TTC6: variants seen among roughly 807,000 people sequenced by gnomAD.
The protein encoded by TTC6 is tetratricopeptide repeat protein 6.
In TTC6, 172 loss-of-function variants were observed where a neutral mutation model predicts 210.4. The ratio of observed to expected loss-of-function variants is 0.82; its 90% CI spans 0.72 to 0.93. The LOEUF is 0.93. Among genes scored for constraint, TTC6 ranks in the 40% least tolerant of loss-of-function variants. The probability of loss-of-function intolerance (pLI) is 0.00; values close to 1 mark genes in which losing one functional copy is unlikely to be tolerated. For synonymous variants in TTC6, 804 were observed against 819.6 expected, an observed-to-expected ratio of 0.98 and a Z score of 0.32; for missense variants, 2,414 against 2,318.1, an observed-to-expected ratio of 1.04 and a Z score of -0.85.
intron 14 of TTC6, among the ~76,000 whole-genome samples, chr14:37,779,292 G>T (rs1443449724): frequency 6.6e-6 from 1 of 152,192 alleles, no homozygotes; most frequent in Non-Finnish European, 1.5e-5. Flanking sequence ...TCTGCTGCGA[G>T]TGCCAGTCTT....
chr14:37,819,033 C>A (rs1566972809), intron 26 of TTC6, among the ~76,000 whole-genome samples: 1 of 152,132 alleles, frequency 6.6e-6, no homozygotes, highest in Non-Finnish European at 1.5e-5. Flanking sequence ...AATGTAATCA[C>A]TGGGTATATA....
At chr14:37,682,770 G>A (rs2095786698) in exon 3 of TTC6, 1 of 1,535,372 alleles carries the variant, frequency 6.5e-7, no homozygotes, top group Non-Finnish European at 8.7e-7. Context: ...CGTGCATAAG[G>A]AACTTTCTGA....
chr14:37,615,101 C>A (rs951171513), intron 2 of TTC6, among the ~76,000 whole-genome samples: 1 of 152,170 alleles, frequency 6.6e-6, no homozygotes. Context: ...GTTTCCCTGT[C>A]TTCTGTTCTT....
chr14:37,626,317 G>A (rs1381559151), intron 1 of TTC6, among the ~76,000 whole-genome samples: 2 of 152,166 alleles, frequency 1.3e-5, no homozygotes, highest in African/African-American at 2.4e-5. Context: ...AAGTATCCAG[G>A]TGGTCCTTGC....
chr14:37,610,236 T>C (rs1441349795), intron 2 of TTC6, among the ~76,000 whole-genome samples: 1 of 152,198 alleles, frequency 6.6e-6, no homozygotes, highest in African/African-American at 2.4e-5. Context: ...GAGGCCCCGC[T>C]CTAGGGAACT....
At chr14:37,835,466 A>G (rs1414076243) in intron 29 of TTC6, among the ~76,000 whole-genome samples, 1 of 152,096 alleles carries the variant, frequency 6.6e-6, no homozygotes, top group Non-Finnish European at 1.5e-5. Flanking sequence ...TGATGAAGTT[A>G]AGAGTTTGGA....
intron 1 of TTC6, among the ~76,000 whole-genome samples, chr14:37,604,090 T>C (rs1018694510): frequency 3.3e-5 from 5 of 152,180 alleles, no homozygotes. Context: ...TGCTTTGCCT[T>C]CTAGATCTTT....
At chr14:37,650,684 A>G (rs1173917305) in intron 1 of TTC6, among the ~76,000 whole-genome samples, 2 of 152,162 alleles carry the variant, frequency 1.3e-5, no homozygotes, top group Admixed American at 6.5e-5. Context: ...ATGACTGCAC[A>G]CTGGATAGGT....
chr14:37,793,668 G>A (rs766394306), intron 17 of TTC6, among the ~76,000 whole-genome samples: 9 of 152,188 alleles, frequency 5.9e-5, no homozygotes, highest in African/African-American at 1.2e-4. Flanking sequence ...GACCATCTGC[G>A]GAAGTTGGAG....
intron 14 of TTC6, among the ~76,000 whole-genome samples, chr14:37,761,935 CCTGT>C (rs2095985840): frequency 2.0e-5 from 3 of 152,044 alleles, no homozygotes; most frequent in Non-Finnish European, 2.9e-5. Context: ...ATTTTTTCCT[CCTGT>C]CTAACTGAAA....
At chr14:37,841,512 C>G (rs979403910) in exon 30 of TTC6, 2 of 1,599,546 alleles carry the variant, frequency 1.3e-6, no homozygotes, top group Non-Finnish European at 8.5e-7. Flanking sequence ...ATGAATCGAG[C>G]TATTACAAAT....
chr14:37,670,334 A>G (rs1184478273), intron 1 of TTC6, among the ~76,000 whole-genome samples: 2 of 152,172 alleles, frequency 1.3e-5, no homozygotes, highest in Non-Finnish European at 2.9e-5. Flanking sequence ...AATATAGTGA[A>G]ATGTTACGTG....
chr14:37,647,383 G>A (rs1430127313), intron 1 of TTC6, among the ~76,000 whole-genome samples: 1 of 152,160 alleles, frequency 6.6e-6, no homozygotes, highest in East Asian at 1.9e-4. Flanking sequence ...GGCCAATCAT[G>A]GTGACAGTGG....
rs2095608740 is a variant in TTC6, at chr14:37,598,426, G to T, written c.-235+2418G>T. On this transcript the variant is annotated intron_variant, in intron 1 of 2. Transcript: ENST00000556845. This position sits in a 1 kb window ranked among gnomAD's most constrained non-coding sequence, Gnocchi z 4.9. ...GGGTGCGCGGGTACTCCGGGTAGCCGCCAGCGGAGGAAGCGGCTCCGCCCT... is the reference window on the plus strand; with the variant it reads ...GGGTGCGCGGGTACTCCGGGTAGCCTCCAGCGGAGGAAGCGGCTCCGCCCT... Among the ~76,000 whole-genome samples, 1 of 152,214 alleles carries T rather than the reference G, an allele frequency of 6.6e-6. No homozygotes were observed. The highest frequency in any genetic ancestry group is 2.1e-4 in the South Asian group (1 of 4,836).
intron 1 of TTC6, among the ~76,000 whole-genome samples, chr14:37,671,721 A>T (rs2095758564): frequency 6.6e-6 from 1 of 152,080 alleles, no homozygotes; most frequent in South Asian, 2.1e-4. Flanking sequence ...ATCTCCACCC[A>T]AGTCTCATCT....
exon 3 of TTC6, chr14:37,682,930 G>A (rs928928757): frequency 6.5e-7 from 1 of 1,535,530 alleles, no homozygotes; most frequent in Non-Finnish European, 8.7e-7. Flanking sequence ...CAGCCCACAA[G>A]TGATTCAAAA....
chr14:37,783,177 T>C (rs1381211210), intron 14 of TTC6, among the ~76,000 whole-genome samples: 1 of 152,190 alleles, frequency 6.6e-6, no homozygotes, highest in Admixed American at 6.6e-5. Context: ...TCTTTTTCTA[T>C]TGATTGGAAT....
At chr14:37,703,233 A>G (rs2095828944) in intron 5 of TTC6, among the ~76,000 whole-genome samples, 1 of 152,098 alleles carries the variant, frequency 6.6e-6, no homozygotes. Context: ...GCAAAGTGTT[A>G]GAAATGCTAG....
At chr14:37,810,198 G>T (rs556574088) in intron 24 of TTC6, among the ~76,000 whole-genome samples, 6 of 152,260 alleles carry the variant, frequency 3.9e-5, no homozygotes, top group Admixed American at 6.5e-5. Flanking sequence ...AAGATGCTAG[G>T]AGCTGATTGA....
Sources: gnomAD v4.1 joint callset for allele counts (sites outside exome capture counted in the v4.1 genomes callset) on GRCh38, gnomAD v4.1.1 for gene constraint, Gnocchi (gnomAD v3.1) non-coding constraint, MANE v1.5 for transcripts, NCBI Gene and HGNC (gene_info 2026-07-23, HGNC 2026-07-21) for gene names.